RBFOX3: variants seen among roughly 807,000 people sequenced by gnomAD.
RBFOX3 encodes the protein RNA binding fox-1 homolog 3, also known as RNA binding protein fox-1 homolog 3.
RBFOX3 carries 17 observed loss-of-function variants against 48.7 expected under a neutral mutation model. That is an observed-to-expected ratio of 0.35 (90% CI 0.24 to 0.52). RBFOX3 has a LOEUF of 0.52. Ranked by LOEUF, RBFOX3 falls within the 20% of genes least tolerant of loss-of-function variation. The pLI, the probability that RBFOX3 is intolerant of heterozygous loss-of-function variation, is 0.94. For missense variants in RBFOX3, 382 were observed against 497.5 expected (o/e 0.77, Z 2.21); for synonymous variants, 212 against 209.5 (o/e 1.01, Z -0.10).
chr17:79,402,607 A>G (rs564906506), intron 2 of RBFOX3, among the ~76,000 whole-genome samples: 1 of 152,282 alleles, frequency 6.6e-6, no homozygotes, highest in African/African-American at 2.4e-5. Context: ...ACTGCACAGG[A>G]AAGGGTGGGC....
chr17:79,315,192 C>T (rs908656985), intron 2 of RBFOX3, among the ~76,000 whole-genome samples: 13 of 152,138 alleles, frequency 8.5e-5, no homozygotes, highest in African/African-American at 1.4e-4. Context: ...ATGACGTACA[C>T]GATGGAGTGA....
intron 3 of RBFOX3, among the ~76,000 whole-genome samples, chr17:79,288,244 G>C (rs2072428496): frequency 2.0e-5 from 3 of 152,178 alleles, no homozygotes; most frequent in African/African-American, 7.2e-5. Context: ...CACCAGGACA[G>C]GGCTTCTTTG....
Position 79,275,010 on chromosome 17 carries a change from C to T in RBFOX3, c.-74+32714G>A, listed in dbSNP as rs1247188727. 2.0e-5 allele frequency among the ~76,000 whole-genome samples: 3 copies of T among 148,436 alleles called. 1 individual carries two copies. In the South Asian group the frequency reaches 6.6e-4, roughly 33 times the overall value. The stretch of plus-strand genomic sequence containing the variant: ...CCGTCCCACCTCCATCATCCACCAG[C>T]CCCAGAGCTAGGAGCCAAACTGGTC... On this transcript the variant is annotated intron_variant, in intron 3 of 14. Transcript: ENST00000693108.
In RBFOX3 at chr17:79,096,748, G is replaced by T. The variant is rs1280349855; in HGVS notation, c.841C>A (p.Pro281Thr). The T allele has an allele frequency of 6.6e-7, 1 of 1,507,608 alleles. No individual in the cohort carries two copies. The highest frequency in any genetic ancestry group is 2.0e-5 in the Admixed American group (1 of 50,930). The allele number at this position is 1,507,608 out of a possible 1,614,324, so 93.4% of individuals were successfully genotyped here. The part of the protein sequence containing the change: ...CPLPPQQTPE[P>T]AYPTSPAFPP... The stretch of plus-strand genomic sequence containing the variant: ...AACGCTGGAGAGGTGGGGTAGGCCG[G>T]CTCCGGTGTCTGCTGAGGAGGGAGG... Residue 281 changes from proline (P) to threonine (T), a missense_variant, in exon 12 of 15, where the codon CCG becomes ACG. By Grantham distance (38) the Pro-to-Thr change is conservative (BLOSUM62 -1). Around this residue, in one of 3 missense-constraint regions of RBFOX3, gnomAD observed 215 missense variants for 254.8 expected, o/e 0.84. Coordinates refer to ENST00000693108, the MANE Select transcript of RBFOX3 (RefSeq NM_001350451.2).
At chr17:79,357,999 T>C (rs920998598) in intron 2 of RBFOX3, among the ~76,000 whole-genome samples, 17 of 151,874 alleles carry the variant, frequency 1.1e-4, no homozygotes, top group Admixed American at 1.1e-3. Context: ...GTCACTGGAG[T>C]ACAGTGGCAC....
chr17:79,634,799 C>T, the RBFOX3 span, among the ~76,000 whole-genome samples: 2 of 152,112 alleles, frequency 1.3e-5, no homozygotes, highest in Admixed American at 6.5e-5. Context: ...ATGGCTCACA[C>T]CTGTAATCCC....
intron 1 of RBFOX3, among the ~76,000 whole-genome samples, chr17:79,542,205 G>A (rs1283012978): frequency 2.6e-5 from 4 of 152,064 alleles, no homozygotes; most frequent in Admixed American, 6.5e-5. Flanking sequence ...AAACCCTGGC[G>A]GTGTCTAACT....
chr17:79,313,382 T>C (rs1302645968), intron 2 of RBFOX3, among the ~76,000 whole-genome samples: 1 of 152,156 alleles, frequency 6.6e-6, no homozygotes, highest in Non-Finnish European at 1.5e-5. Context: ...CCTGGGTCCA[T>C]GCCTCACTTC....
intron 1 of RBFOX3, among the ~76,000 whole-genome samples, chr17:79,544,339 C>T (rs2090115408): frequency 6.6e-6 from 1 of 152,174 alleles, no homozygotes; most frequent in African/African-American, 2.4e-5. Flanking sequence ...TGGGCACTCG[C>T]TGTGGGCTGA....
chr17:79,457,393 G>A (rs1399601559), intron 2 of RBFOX3, among the ~76,000 whole-genome samples: 7 of 152,190 alleles, frequency 4.6e-5, no homozygotes, highest in Non-Finnish European at 1.0e-4. Context: ...GCTCATGAAT[G>A]GGGGTACGGC....
intron 6 of RBFOX3, 50 bp downstream of exon 6, chr17:79,106,601 G>A: frequency 7.1e-7 from 1 of 1,408,738 alleles, no homozygotes; most frequent in East Asian, 3.0e-5. Context: ...CGCCACCCTG[G>A]AGCTGGGGCA....
At chr17:79,371,150 C>T (rs1283647392) in intron 2 of RBFOX3, among the ~76,000 whole-genome samples, 1 of 152,222 alleles carries the variant, frequency 6.6e-6, no homozygotes, top group Non-Finnish European at 1.5e-5. Flanking sequence ...GGACCTCCTT[C>T]TCTGCCTTTC....
chr17:79,231,268 G>A (rs1399488605), intron 4 of RBFOX3, among the ~76,000 whole-genome samples: 2 of 152,184 alleles, frequency 1.3e-5, no homozygotes, highest in Admixed American at 1.3e-4. Flanking sequence ...ATCAGCACAA[G>A]CTTTGGAGAA....
intron 4 of RBFOX3, among the ~76,000 whole-genome samples, chr17:79,169,682 C>G (rs534465465): frequency 2.0e-5 from 3 of 152,134 alleles, no homozygotes; most frequent in African/African-American, 7.2e-5. Flanking sequence ...GCAGGAAGGC[C>G]GCACACGGGT....
intron 2 of RBFOX3, among the ~76,000 whole-genome samples, chr17:79,394,590 G>A (rs935940127): frequency 7.2e-5 from 11 of 152,232 alleles, no homozygotes; most frequent in African/African-American, 2.2e-4. Context: ...TCCTCCCAGC[G>A]AGATGAGCAA....
chr17:79,106,615 G>A (rs1385673939), intron 6 of RBFOX3, 36 bp downstream of exon 6: 18 of 1,425,246 alleles, frequency 1.3e-5, no homozygotes, highest in African/African-American at 1.5e-5. Flanking sequence ...TGGGGCAGGT[G>A]TGGAGGGCAG....
At chr17:79,370,666 G>A (rs766547390) in intron 2 of RBFOX3, among the ~76,000 whole-genome samples, 1 of 151,354 alleles carries the variant, frequency 6.6e-6, no homozygotes. Context: ...ACTCACACAG[G>A]CACACACATG....
At chr17:79,170,310 G>C (rs539079455) in intron 4 of RBFOX3, among the ~76,000 whole-genome samples, 1 of 152,288 alleles carries the variant, frequency 6.6e-6, no homozygotes, top group East Asian at 1.9e-4. Flanking sequence ...TGGGGTACCG[G>C]CTCCGGTCCT....
intron 4 of RBFOX3, among the ~76,000 whole-genome samples, chr17:79,216,563 G>A (rs934084623): frequency 1.3e-5 from 2 of 152,146 alleles, no homozygotes; most frequent in Admixed American, 6.5e-5. Flanking sequence ...TCTCCTGCAG[G>A]AAGGAAGGTA....
Sources: allele counts gnomAD v4.1 joint callset (sites outside exome capture counted in the v4.1 genomes callset), GRCh38; gene constraint gnomAD v4.1.1; regional missense constraint gnomAD v4.1.1; transcripts MANE v1.5; gene names NCBI Gene and HGNC (gene_info 2026-07-23, HGNC 2026-07-21).